Variants in DYNC1I1 observed in about 807,000 individuals in gnomAD.
The protein encoded by DYNC1I1 is cytoplasmic dynein 1 intermediate chain 1.
DYNC1I1 carries 43 observed loss-of-function variants against 86.6 expected under a neutral mutation model. The ratio of observed to expected loss-of-function variants is 0.50; its 90% confidence interval spans 0.39 to 0.64. The LOEUF is 0.64. Among genes scored for constraint, DYNC1I1 ranks in the 30% least tolerant of loss-of-function variants. The pLI is 0.00. For missense variants in DYNC1I1, 604 were observed against 788.8 expected, an observed-to-expected ratio of 0.77 and a Z score of 2.81; for synonymous variants, 262 against 283.7, an observed-to-expected ratio of 0.92 and a Z score of 0.77.
intron 14 of DYNC1I1, among the ~76,000 whole-genome samples, chr7:96,061,602 C>G (rs1051380796): frequency 6.6e-6 from 1 of 151,914 alleles, no homozygotes; most frequent in Non-Finnish European, 1.5e-5. Flanking sequence ...CTCCCACTTC[C>G]CAATAGTGAG....
intron 5 of DYNC1I1, among the ~76,000 whole-genome samples, chr7:95,860,441 G>A (rs1443496637): frequency 6.6e-6 from 1 of 152,186 alleles, no homozygotes; most frequent in Non-Finnish European, 1.5e-5. Flanking sequence ...ATCTATGGCA[G>A]CATCTTTAAT....
intron 15 of DYNC1I1, among the ~76,000 whole-genome samples, chr7:96,077,536 T>C (rs1790381685): frequency 6.6e-6 from 1 of 152,212 alleles, no homozygotes; most frequent in African/African-American, 2.4e-5. Context: ...TTGTTTTTAA[T>C]AGAAAGATGT....
At chr7:95,807,264 T>A (rs1309680296) in intron 2 of DYNC1I1, among the ~76,000 whole-genome samples, 1 of 152,110 alleles carries the variant, frequency 6.6e-6, no homozygotes, top group Non-Finnish European at 1.5e-5. Flanking sequence ...CTGAAAGGAA[T>A]CTGGAAGTCA....
At chr7:95,910,565 G>A (rs1791306485) in intron 6 of DYNC1I1, among the ~76,000 whole-genome samples, 1 of 152,228 alleles carries the variant, frequency 6.6e-6, no homozygotes, top group East Asian at 1.9e-4. Context: ...ATTAGCAAGG[G>A]TTTGGAGGCA....
chr7:95,931,777 G>A (rs900021320), intron 6 of DYNC1I1, among the ~76,000 whole-genome samples: 1 of 152,100 alleles, frequency 6.6e-6, no homozygotes, highest in Non-Finnish European at 1.5e-5. Context: ...ACTGACTAGC[G>A]CTTTACAGAA....
intron 10 of DYNC1I1, among the ~76,000 whole-genome samples, chr7:96,020,192 C>T (rs9690056): frequency 0.11 from 17,251 of 151,140 alleles, 1,070 homozygotes; most frequent in Non-Finnish European, 0.13. Context: ...TAAAATGGTG[C>T]GGCTGCTTGC....
intron 6 of DYNC1I1, among the ~76,000 whole-genome samples, chr7:95,878,564 A>G (rs1790368940): frequency 1.3e-5 from 2 of 152,168 alleles, no homozygotes; most frequent in South Asian, 4.1e-4. Flanking sequence ...ATGAAGAAAA[A>G]CTAAGAGATC....
At chr7:96,001,397 C>T (rs1276588359) in intron 10 of DYNC1I1, among the ~76,000 whole-genome samples, 1 of 152,142 alleles carries the variant, frequency 6.6e-6, no homozygotes, top group South Asian at 2.1e-4. Flanking sequence ...TTCTAACTAC[C>T]TCTTAAGATT....
At chr7:96,067,537 C>T (rs1402659786) in intron 14 of DYNC1I1, among the ~76,000 whole-genome samples, 2 of 151,422 alleles carry the variant, frequency 1.3e-5, no homozygotes, top group African/African-American at 4.9e-5. Flanking sequence ...CATAAAGTCA[C>T]CTCCAGACTT....
chr7:95,823,044 C>G (rs1795114687), intron 4 of DYNC1I1, among the ~76,000 whole-genome samples: 1 of 152,154 alleles, frequency 6.6e-6, no homozygotes, highest in South Asian at 2.1e-4. Context: ...TCCCAGGAAG[C>G]TGGGCTTCAA....
chr7:95,977,623 G>T, intron 7 of DYNC1I1, 22 bp downstream of exon 7: 1 of 1,600,164 alleles, frequency 6.2e-7, no homozygotes, highest in Non-Finnish European at 8.5e-7. Context: ...AAAATAAACT[G>T]AGTAATCATT....
downstream of DYNC1I1, among the ~76,000 whole-genome samples, chr7:96,102,950 C>CAACT (rs1791156878): frequency 6.6e-6 from 1 of 152,124 alleles, no homozygotes; most frequent in African/African-American, 2.4e-5. Flanking sequence ...TCAGCCCTAC[C>CAACT]AACTCATAAA....
intron 13 of DYNC1I1, among the ~76,000 whole-genome samples, chr7:96,037,397 C>G (rs1318321276): frequency 6.6e-6 from 1 of 152,162 alleles, no homozygotes; most frequent in Admixed American, 6.6e-5. Context: ...CCTGGTTTCT[C>G]TCTTCAAAAT....
intron 5 of DYNC1I1, chr7:95,837,549 G>T (rs368566463): frequency 3.2e-5 from 5 of 153,982 alleles, no homozygotes; most frequent in African/African-American, 1.2e-4. Flanking sequence ...GGGCAATGGC[G>T]GGCGCCCCTC....
intron 5 of DYNC1I1, among the ~76,000 whole-genome samples, chr7:95,830,673 A>G (rs560084646): frequency 3.3e-5 from 5 of 152,296 alleles, no homozygotes; most frequent in Admixed American, 6.5e-5. Flanking sequence ...ATGTACAAAT[A>G]TTTTAATGCA....
chr7:95,833,087 G>T (rs909758179), intron 5 of DYNC1I1, among the ~76,000 whole-genome samples: 2 of 148,720 alleles, frequency 1.3e-5, no homozygotes, highest in Non-Finnish European at 3.0e-5. Context: ...TTCTTCTAGG[G>T]TTTTTATGGT....
chr7:95,816,678 A>C (rs1794954014), intron 4 of DYNC1I1, among the ~76,000 whole-genome samples: 1 of 152,184 alleles, frequency 6.6e-6, no homozygotes, highest in South Asian at 2.1e-4. Flanking sequence ...TACTGTATGC[A>C]ACTGGAATCC....
chr7:95,903,731 G>T (rs1791100345), intron 6 of DYNC1I1, among the ~76,000 whole-genome samples: 1 of 152,308 alleles, frequency 6.6e-6, no homozygotes, highest in African/African-American at 2.4e-5. Flanking sequence ...TGTGGGGAAA[G>T]TTCAATCATT....
chr7:95,918,535 G>C (rs1354453162), intron 6 of DYNC1I1, among the ~76,000 whole-genome samples: 1 of 152,196 alleles, frequency 6.6e-6, no homozygotes, highest in African/African-American at 2.4e-5. Flanking sequence ...GTATGTGGGT[G>C]TGTCTGTGTG....
Sources: gnomAD v4.1 joint callset for allele counts (sites outside exome capture counted in the v4.1 genomes callset) on GRCh38, gnomAD v4.1.1 for gene constraint, MANE v1.5 for transcripts, NCBI Gene and HGNC (gene_info 2026-07-23, HGNC 2026-07-21) for gene names.